Variants in ESR1 observed in about 807,000 individuals in gnomAD.
ESR1 encodes the protein estrogen receptor 1, also known as estrogen receptor.
A neutral mutation model predicts 52.7 loss-of-function variants in ESR1; 12 were observed. That is an observed-to-expected ratio of 0.23 (90% CI 0.15 to 0.37). The LOEUF is 0.37. ESR1 is among the 10% of genes least tolerant of loss of function. The pLI, the probability that ESR1 is intolerant of heterozygous loss-of-function variation, is 1.00. For missense variants in ESR1, 584 were observed against 779.7 expected (o/e 0.75, Z 2.99); for synonymous variants, 305 against 316.8 (o/e 0.96, Z 0.39).
chr6:151,882,761 G>T (rs1404358288), intron 3 of ESR1, among the ~76,000 whole-genome samples: 4 of 145,478 alleles, frequency 2.7e-5, no homozygotes, highest in Non-Finnish European at 4.6e-5. Flanking sequence ...AACCGATTCT[G>T]TTTTTTTTTT....
intron 6 of ESR1, among the ~76,000 whole-genome samples, chr6:152,074,199 A>T (rs554488100): frequency 6.6e-6 from 1 of 152,182 alleles, no homozygotes; most frequent in Non-Finnish European, 1.5e-5. Flanking sequence ...ATTGTAATAT[A>T]CAGAATAATT....
intron 4 of ESR1, among the ~76,000 whole-genome samples, chr6:152,007,661 A>G (rs1474851577): frequency 6.6e-6 from 1 of 152,094 alleles, no homozygotes; most frequent in Non-Finnish European, 1.5e-5. Context: ...GTCTTATCAA[A>G]CTATTCTTAC....
chr6:151,768,468 A>G (rs1785241470), intron 2 of ESR1, among the ~76,000 whole-genome samples: 2 of 152,218 alleles, frequency 1.3e-5, no homozygotes, highest in Admixed American at 6.5e-5. Context: ...ATAATCCTGA[A>G]TTGGGTCTTG....
chr6:151,859,557 G>A (rs1338207676), intron 2 of ESR1, among the ~76,000 whole-genome samples: 1 of 152,186 alleles, frequency 6.6e-6, no homozygotes, highest in African/African-American at 2.4e-5. Context: ...GACCCTGTGA[G>A]GACCTTAGCC....
At chr6:151,918,846 G>A (rs935019917) in intron 3 of ESR1, among the ~76,000 whole-genome samples, 1 of 152,172 alleles carries the variant, frequency 6.6e-6, no homozygotes, top group African/African-American at 2.4e-5. Flanking sequence ...TGTAAATCAC[G>A]TCACAGGCAA....
intron 6 of ESR1, among the ~76,000 whole-genome samples, chr6:152,071,677 T>G (rs1003899893): frequency 6.6e-6 from 1 of 152,272 alleles, no homozygotes; most frequent in African/African-American, 2.4e-5. Flanking sequence ...ATTAGGATTA[T>G]ATACATGTAC....
intron 2 of ESR1, among the ~76,000 whole-genome samples, chr6:151,782,334 T>G (rs985614557): frequency 1.3e-5 from 2 of 152,246 alleles, no homozygotes; most frequent in Non-Finnish European, 2.9e-5. Flanking sequence ...TAATCTCATT[T>G]TCTTACTTTA....
chr6:151,719,767 A>G (rs1432738815), intron 2 of ESR1, among the ~76,000 whole-genome samples: 1 of 152,108 alleles, frequency 6.6e-6, no homozygotes, highest in African/African-American at 2.4e-5. Context: ...TGTTTTATGA[A>G]TTTTTCTTCC....
At chr6:151,712,652 G>A (rs1780713430) in intron 2 of ESR1, among the ~76,000 whole-genome samples, 1 of 151,850 alleles carries the variant, frequency 6.6e-6, no homozygotes. Flanking sequence ...TGTTATTACT[G>A]TATAGGAATT....
At chr6:152,085,208 T>C (rs1168369587) in intron 6 of ESR1, among the ~76,000 whole-genome samples, 1 of 151,784 alleles carries the variant, frequency 6.6e-6, no homozygotes, top group Non-Finnish European at 1.5e-5. Context: ...GAGGCTGAGG[T>C]GGGAGGATTG....
chr6:152,033,171 C>T (rs189019040), intron 5 of ESR1, among the ~76,000 whole-genome samples: 2,455 of 152,130 alleles, frequency 0.016, 45 homozygotes, highest in Admixed American at 0.051. Flanking sequence ...AATGTTAGAT[C>T]AAAAACCATA....
intron 1 of ESR1, among the ~76,000 whole-genome samples, chr6:151,834,816 G>A: frequency 6.6e-6 from 1 of 152,148 alleles, no homozygotes; most frequent in Non-Finnish European, 1.5e-5. Context: ...GGTCCTGGAT[G>A]TGTTTGTGGA....
At chr6:151,975,754 C>G (rs2039381705) in intron 4 of ESR1, among the ~76,000 whole-genome samples, 1 of 152,210 alleles carries the variant, frequency 6.6e-6, no homozygotes, top group Admixed American at 6.5e-5. Flanking sequence ...AACATTTAGA[C>G]TAGTGTTTGA....
Position 152,041,577 on chromosome 6 carries a change from A to G in ESR1, c.1236-19414A>G, listed in dbSNP as rs117685654. The stretch of plus-strand genomic sequence containing the variant: ...AGTTCCCTAAATTTTAGTCAATTTT[A>G]TTTCCCAACCTCTGGCACACAAGTG... On this transcript the variant is annotated intron_variant, in intron 5 of 7. Coordinates refer to ENST00000206249, the MANE Select transcript of ESR1 (RefSeq NM_000125.4). Among the ~76,000 whole-genome samples the G allele has an allele frequency of 2.0e-5, 3 of 152,298 alleles. No individual in the cohort carries two copies. In the East Asian group the frequency reaches 5.8e-4, roughly 29 times the overall value.
chr6:151,662,248 C>A (rs77758681), intron 1 of ESR1, among the ~76,000 whole-genome samples: 8,265 of 152,182 alleles, frequency 0.054, 723 homozygotes, highest in East Asian at 0.41. Flanking sequence ...AACTCTCTTG[C>A]CACTTATCAC....
At chr6:151,973,885 G>A (rs2039166164) in intron 4 of ESR1, among the ~76,000 whole-genome samples, 1 of 152,148 alleles carries the variant, frequency 6.6e-6, no homozygotes, top group Admixed American at 6.5e-5. Context: ...GTTACTTCAT[G>A]TCAGGTACCT....
At chr6:151,706,744 C>T (rs1172952178) in intron 2 of ESR1, among the ~76,000 whole-genome samples, 1 of 152,158 alleles carries the variant, frequency 6.6e-6, no homozygotes, top group Non-Finnish European at 1.5e-5. Context: ...GGAAGTGTTT[C>T]CAGTGTTAAG....
chr6:151,676,510 A>G (rs530793870), intron 1 of ESR1, among the ~76,000 whole-genome samples: 2 of 152,290 alleles, frequency 1.3e-5, no homozygotes, highest in East Asian at 3.9e-4. Flanking sequence ...ATTTTTCACA[A>G]TCACCAAGGA....
At chr6:151,721,196 ACTAAT>A (rs1781432411) in intron 2 of ESR1, among the ~76,000 whole-genome samples, 1 of 152,182 alleles carries the variant, frequency 6.6e-6, no homozygotes, top group Non-Finnish European at 1.5e-5. Flanking sequence ...TATCTGAAGG[ACTAAT>A]GCAACATGTT....
Sources: gnomAD v4.1 joint callset for allele counts (sites outside exome capture counted in the v4.1 genomes callset) on GRCh38, gnomAD v4.1.1 for gene constraint, MANE v1.5 for transcripts, NCBI Gene and HGNC (gene_info 2026-07-23, HGNC 2026-07-21) for gene names.